The following SYT2 variants were observed in gnomAD, a reference collection of about 807,000 sequenced individuals.
The protein encoded by SYT2 is synaptotagmin-2.
Under a neutral mutation model 39.9 loss-of-function variants are expected in SYT2, and 15 were observed. The ratio of observed to expected loss-of-function variants is 0.38; its 90% confidence interval spans 0.25 to 0.58. The LOEUF is 0.58. Among genes scored for constraint, SYT2 ranks in the 20% least tolerant of loss-of-function variants. The pLI is 0.70. For missense variants in SYT2, 389 were observed against 530.3 expected (o/e 0.73, Z 2.62); for synonymous variants, 181 against 204.5 (o/e 0.89, Z 0.98).
At chr1:202,607,170 A>G (rs1183728693) in intron 1 of SYT2, among the ~76,000 whole-genome samples, 1 of 152,124 alleles carries the variant, frequency 6.6e-6, no homozygotes, top group East Asian at 1.9e-4. Flanking sequence ...AGGGCTATGC[A>G]CTTATTTCTC....
intron 1 of SYT2, among the ~76,000 whole-genome samples, chr1:202,679,310 C>G: frequency 6.6e-6 from 1 of 152,120 alleles, no homozygotes; most frequent in East Asian, 1.9e-4. Context: ...GAACACCAGC[C>G]CTCCCCCCAC....
At position 202,595,658 on chromosome 1, in the gene SYT2, A is replaced by T. The variant is rs1690260299; in HGVS notation, c.*1099T>A. 1 of 152,266 alleles carries T rather than the reference A, an allele frequency of 6.6e-6. No individual in the cohort carries two copies. Among genetic ancestry groups the T allele is most frequent in the African/African-American group, 2.4e-5 (1 of 41,470 alleles). 9.4% of individuals were successfully genotyped at this position (152,266 alleles called of 1,614,324 possible). A position where few individuals can be genotyped will look rare whatever the true frequency, so the allele number is the denominator to read the frequency against. The stretch of plus-strand genomic sequence containing the variant: ...CTGCACAGATAACGTGTCTTCAGAC[A>T]GTGTTGCTCCACTTAAAAGAGAAAC... On this transcript the variant is annotated 3_prime_UTR_variant, in exon 9 of 9. Transcript: ENST00000367268.
intron 1 of SYT2, among the ~76,000 whole-genome samples, chr1:202,608,701 C>G (rs1313272991): frequency 6.6e-6 from 1 of 152,148 alleles, no homozygotes; most frequent in Non-Finnish European, 1.5e-5. Flanking sequence ...AATAATGCTG[C>G]TATGAACATC....
chr1:202,655,152 T>G (rs992090291), intron 1 of SYT2, among the ~76,000 whole-genome samples: 17 of 152,142 alleles, frequency 1.1e-4, no homozygotes, highest in Admixed American at 2.0e-4. Context: ...AACATGCAGA[T>G]AGGTGAGCAA....
In SYT2 at chr1:202,613,063, TCTTC is replaced by T. The variant is rs1469672897; in HGVS notation, c.-17-7278_-17-7275del. ...CTGCCACATTGCCGAACTCATTGGT[TCTTC>T]CTTTTTTTTTTTTTTTTTTTTTTTT... On this transcript the variant is annotated intron_variant, in intron 1 of 8. Transcript: ENST00000367268. 7.4e-4 allele frequency among the ~76,000 whole-genome samples: 99 copies of T among 133,004 alleles called. 1 individual carries two copies. The highest frequency in any genetic ancestry group is 2.4e-3 in the African/African-American group (92 of 37,906). 87.3% of individuals were successfully genotyped at this position (133,004 alleles called of 152,430 possible).
At chr1:202,710,073 A>T (rs1210156803) in intron 1 of SYT2, among the ~76,000 whole-genome samples, 185 bp downstream of exon 1, 1 of 150,808 alleles carries the variant, frequency 6.6e-6, no homozygotes, top group Non-Finnish European at 1.5e-5. Flanking sequence ...CGAACCTTCC[A>T]TCCGGACGCT....
At chr1:202,626,997 G>A (rs1322093113) in intron 1 of SYT2, among the ~76,000 whole-genome samples, 1 of 152,210 alleles carries the variant, frequency 6.6e-6, no homozygotes, top group African/African-American at 2.4e-5. Context: ...GCTAGGCTGA[G>A]TCCATGCTGA....
intron 1 of SYT2, among the ~76,000 whole-genome samples, chr1:202,693,645 G>A (rs1229250668): frequency 6.6e-6 from 1 of 152,172 alleles, no homozygotes; most frequent in Non-Finnish European, 1.5e-5. Context: ...GATCTTTCAA[G>A]GTCATACCTC....
chr1:202,625,543 C>T (rs1196190151), intron 1 of SYT2, among the ~76,000 whole-genome samples: 1 of 151,796 alleles, frequency 6.6e-6, no homozygotes, highest in Non-Finnish European at 1.5e-5. Flanking sequence ...GCTGGAGAGA[C>T]CGCGGCCTCC....
At chr1:202,600,818 C>A (rs1435366781) in intron 6 of SYT2, among the ~76,000 whole-genome samples, 1 of 152,082 alleles carries the variant, frequency 6.6e-6, no homozygotes, top group African/African-American at 2.4e-5. Flanking sequence ...GTTTGGGCTC[C>A]CACCCCAGGC....
intron 1 of SYT2, among the ~76,000 whole-genome samples, chr1:202,646,241 C>A (rs1228492097): frequency 6.6e-6 from 1 of 152,234 alleles, no homozygotes; most frequent in African/African-American, 2.4e-5. Context: ...CCTGGCACTG[C>A]CCACTCCCTC....
rs937634757 is a variant in SYT2 at position 202,596,270 on chromosome 1, C to G, written c.*487G>C. ...AGGAATGAAGAGAAATGCTCAAAGA[C>G]ACACACACACACACACACACACACA... On this transcript the variant is annotated 3_prime_UTR_variant, in exon 9 of 9. Transcript: ENST00000367268. 5.6e-5 allele frequency: 4 copies of G among 71,504 alleles called. No individual in the cohort carries two copies. The highest frequency in any genetic ancestry group is 3.7e-4 in the South Asian group (1 of 2,682). 4.4% of individuals were successfully genotyped at this position (71,504 alleles called of 1,614,324 possible).
chr1:202,702,174 G>A (rs936993259), intron 1 of SYT2, among the ~76,000 whole-genome samples: 10 of 152,196 alleles, frequency 6.6e-5, no homozygotes, highest in African/African-American at 2.4e-4. Flanking sequence ...ACCAGTAGGA[G>A]ACCTAATGGG....
At chr1:202,681,569 C>T (rs1376061177) in intron 1 of SYT2, among the ~76,000 whole-genome samples, 2 of 152,320 alleles carry the variant, frequency 1.3e-5, no homozygotes, top group African/African-American at 4.8e-5. Flanking sequence ...TGATCTTGAG[C>T]CCTGAGGGCA....
intron 1 of SYT2, among the ~76,000 whole-genome samples, chr1:202,634,496 A>G (rs551282192): frequency 6.6e-6 from 1 of 152,134 alleles, no homozygotes; most frequent in Non-Finnish European, 1.5e-5. Context: ...TCCATCTCAA[A>G]AAAAAAAAAA....
intron 1 of SYT2, among the ~76,000 whole-genome samples, chr1:202,669,289 G>C (rs1204986587): frequency 1.3e-5 from 2 of 152,130 alleles, no homozygotes; most frequent in Non-Finnish European, 2.9e-5. Context: ...GGAGGCTGAG[G>C]CAGGAGGATC....
intron 1 of SYT2, chr1:202,632,095 G>A: frequency 1.0e-6 from 1 of 985,386 alleles, no homozygotes; most frequent in Non-Finnish European, 1.2e-6. Flanking sequence ...AAACAAGACA[G>A]AAGGTGGCAC....
Position 202,596,662 on chromosome 1 carries a change from A to T in SYT2, c.*95T>A. The stretch of plus-strand genomic sequence containing the variant: ...GACACAACCACCCAACAAATGAAAG[A>T]AAAAAGAAAACCTCTAAGGTTGCAT... On this transcript the variant is annotated 3_prime_UTR_variant, in exon 9 of 9. Transcript: ENST00000367268. The T allele has an allele frequency of 8.0e-7, 1 of 1,253,732 alleles. No homozygotes were observed. The highest frequency in any genetic ancestry group is 1.1e-6 in the Non-Finnish European group (1 of 909,104). 77.7% of individuals were successfully genotyped at this position (1,253,732 alleles called of 1,614,324 possible). A position where few individuals can be genotyped will look rare whatever the true frequency, so the allele number is the denominator to read the frequency against.
At chr1:202,639,907 C>G (rs984956692) in intron 1 of SYT2, 25 of 912,498 alleles carry the variant, frequency 2.7e-5, no homozygotes, top group Non-Finnish European at 3.3e-5. Flanking sequence ...AATTTGAGCC[C>G]TCTCTGTGAT....
Sources: allele counts gnomAD v4.1 joint callset (sites outside exome capture counted in the v4.1 genomes callset), GRCh38; gene constraint gnomAD v4.1.1; transcripts MANE v1.5; gene names NCBI Gene and HGNC (gene_info 2026-07-23, HGNC 2026-07-21).